The following ELMO1 variants were observed in gnomAD, a reference collection of about 807,000 sequenced individuals.
ELMO1 encodes the protein engulfment and cell motility 1.
Under a neutral mutation model 98.9 loss-of-function variants are expected in ELMO1, and 26 were observed. The ratio of observed to expected loss-of-function variants is 0.26; its 90% CI spans 0.19 to 0.36. ELMO1 has a LOEUF of 0.36. ELMO1 is among the 10% of genes least tolerant of loss of function. The pLI is 1.00. For missense variants in ELMO1, 627 were observed against 935.2 expected (o/e 0.67, Z 4.30); for synonymous variants, 346 against 346.0 (o/e 1.00, Z 0.00).
At chr7:37,092,038 C>T (rs1212541297) in intron 15 of ELMO1, among the ~76,000 whole-genome samples, 6 of 152,114 alleles carry the variant, frequency 3.9e-5, no homozygotes, top group Admixed American at 3.9e-4. Context: ...ATCCCTCAAT[C>T]TTCAATCTTG....
intron 14 of ELMO1, among the ~76,000 whole-genome samples, chr7:37,131,785 A>G (rs1356322019): frequency 6.6e-6 from 1 of 152,238 alleles, no homozygotes; most frequent in Non-Finnish European, 1.5e-5. Flanking sequence ...CAGAGAAATG[A>G]CAATAAAATT....
At chr7:37,218,192 CATAA>C (rs1413505139) in intron 10 of ELMO1, among the ~76,000 whole-genome samples, 8 of 151,956 alleles carry the variant, frequency 5.3e-5, no homozygotes, top group African/African-American at 1.5e-4. Context: ...AATTATTGCT[CATAA>C]ATAAAGACGG....
intron 16 of ELMO1, among the ~76,000 whole-genome samples, chr7:37,009,828 T>C (rs1224186798): frequency 6.6e-6 from 1 of 152,212 alleles, no homozygotes; most frequent in African/African-American, 2.4e-5. Flanking sequence ...ATTTGGACAG[T>C]CAGAGAATAA....
At chr7:37,398,435 A>T (rs1803388547) in intron 1 of ELMO1, among the ~76,000 whole-genome samples, 1 of 152,224 alleles carries the variant, frequency 6.6e-6, no homozygotes, top group Non-Finnish European at 1.5e-5. Flanking sequence ...GCTCCATTCA[A>T]GAAAAAAGAC....
intron 1 of ELMO1, among the ~76,000 whole-genome samples, chr7:37,382,535 T>G (rs6968878): frequency 0.09 from 13,713 of 152,108 alleles, 1,164 homozygotes; most frequent in East Asian, 0.42. Flanking sequence ...AGAAGATAAA[T>G]TCTTGTAAAG....
At chr7:37,026,700 A>C (rs892689241) in intron 15 of ELMO1, among the ~76,000 whole-genome samples, 1 of 151,986 alleles carries the variant, frequency 6.6e-6, no homozygotes, top group Non-Finnish European at 1.5e-5. Context: ...CTCTACTTGG[A>C]CCCCACTGAG....
intron 4 of ELMO1, among the ~76,000 whole-genome samples, chr7:37,302,388 T>C (rs1384516169): frequency 6.6e-6 from 1 of 152,096 alleles, no homozygotes. Context: ...GGCTAGGTCA[T>C]AACGAGCCAT....
rs1397542864 is a variant in ELMO1, at chr7:37,175,845, T to A, written c.1086+35541A>T. Among the ~76,000 whole-genome samples, 8 of 151,436 alleles carry A rather than the reference T, an allele frequency of 5.3e-5. No homozygotes were observed. In the East Asian group the frequency reaches 1.4e-3, roughly 26 times the overall value. On this transcript the variant is annotated intron_variant, in intron 13 of 21. Coordinates refer to ENST00000310758, the MANE Select transcript of ELMO1 (RefSeq NM_014800.11). The stretch of plus-strand genomic sequence containing the variant: ...CTGGGCGACAGAGTGAGATTCTGTC[T>A]CAAAGAAAAAACAAAACAAAACAAA...
At chr7:37,167,310 A>G (rs6954656) in intron 13 of ELMO1, among the ~76,000 whole-genome samples, 139,386 of 152,210 alleles carry the variant, frequency 0.92, 64,218 homozygotes, top group Non-Finnish European at 0.97. Flanking sequence ...AATCTGTGTC[A>G]TTTAATTGAA....
chr7:37,204,826 T>A (rs1792518059), intron 13 of ELMO1, among the ~76,000 whole-genome samples: 1 of 152,080 alleles, frequency 6.6e-6, no homozygotes, highest in African/African-American at 2.4e-5. Context: ...CCCCACCCGA[T>A]TAGCTAGACA....
intron 1 of ELMO1, among the ~76,000 whole-genome samples, chr7:37,374,781 G>A (rs1000010386): frequency 3.3e-5 from 5 of 150,420 alleles, no homozygotes; most frequent in Admixed American, 6.6e-5. Context: ...TAAATATCTT[G>A]GCTGGGCGCA....
At chr7:37,120,977 T>G (rs1785988283) in intron 14 of ELMO1, among the ~76,000 whole-genome samples, 2 of 152,236 alleles carry the variant, frequency 1.3e-5, no homozygotes, top group South Asian at 4.1e-4. Context: ...CAATATTCGC[T>G]GTTCTGCAGC....
At chr7:37,176,731 A>G (rs1419924815) in intron 13 of ELMO1, among the ~76,000 whole-genome samples, 1 of 152,220 alleles carries the variant, frequency 6.6e-6, no homozygotes, top group Non-Finnish European at 1.5e-5. Flanking sequence ...AACAAAAATA[A>G]CTAACGGATG....
intron 14 of ELMO1, among the ~76,000 whole-genome samples, chr7:37,126,114 A>G (rs573675607): frequency 4.4e-4 from 67 of 151,692 alleles, no homozygotes; most frequent in Non-Finnish European, 9.3e-4. Flanking sequence ...ACTTGGACAC[A>G]GGAAGGGGGA....
At chr7:37,139,069 A>C (rs1471297846) in intron 13 of ELMO1, among the ~76,000 whole-genome samples, 1 of 152,226 alleles carries the variant, frequency 6.6e-6, no homozygotes, top group East Asian at 1.9e-4. Context: ...TAGAAGGGAT[A>C]TACCTTAAGG....
chr7:37,321,729 A>AAAAAAAAAAAAAAAAAC (rs1306951906), intron 2 of ELMO1, among the ~76,000 whole-genome samples: 1 of 150,170 alleles, frequency 6.7e-6, no homozygotes, highest in African/African-American at 2.5e-5. Context: ...AAAAAAAAAA[A>AAAAAAAAAAAAAAAAAC]AAAAAAAAAC....
At chr7:37,257,040 A>G (rs1795703298) in intron 6 of ELMO1, among the ~76,000 whole-genome samples, 1 of 152,216 alleles carries the variant, frequency 6.6e-6, no homozygotes, top group African/African-American at 2.4e-5. Context: ...TGTATGCTCT[A>G]CTAGTCTCTG....
intron 15 of ELMO1, among the ~76,000 whole-genome samples, chr7:37,084,955 C>T (rs1783683903): frequency 6.6e-6 from 1 of 152,016 alleles, no homozygotes; most frequent in East Asian, 1.9e-4. Flanking sequence ...GAGGGTTTCA[C>T]TATGTTGGCC....
chr7:37,357,963 G>C (rs888774297), intron 1 of ELMO1, among the ~76,000 whole-genome samples: 2 of 152,188 alleles, frequency 1.3e-5, no homozygotes, highest in East Asian at 3.8e-4. Context: ...CATATTTGGG[G>C]GGAAAGTGGT....
Sources: allele counts gnomAD v4.1 joint callset (sites outside exome capture counted in the v4.1 genomes callset), GRCh38; gene constraint gnomAD v4.1.1; transcripts MANE v1.5; gene names NCBI Gene and HGNC (gene_info 2026-07-23, HGNC 2026-07-21).